Variants in PKD1L3 observed in about 807,000 individuals in gnomAD.
PKD1L3 encodes the protein polycystin-1-like protein 3.
A neutral mutation model predicts 184.1 loss-of-function variants in PKD1L3; 239 were observed. The ratio of observed to expected loss-of-function variants is 1.30; its 90% CI spans 1.17 to 1.45. The LOEUF is 1.45. Among genes scored for constraint, PKD1L3 ranks in the 40% most tolerant of loss-of-function variants. PKD1L3 has a pLI of 0.00. For missense variants in PKD1L3, 2,660 were observed against 2,067.2 expected, an observed-to-expected ratio of 1.29 and a Z score of -5.56; for synonymous variants, 996 against 778.8, an observed-to-expected ratio of 1.28 and a Z score of -4.64.
intron 28 of PKD1L3, chr16:71,931,327 C>G (rs12934512): frequency 0.2 from 30,156 of 152,102 alleles, 3,603 homozygotes; most frequent in Non-Finnish European, 0.27. Flanking sequence ...ACAGCAGTTA[C>G]AGTTGTCCCT....
At chr16:71,938,213 C>G (rs2038244821) in intron 24 of PKD1L3, among the ~76,000 whole-genome samples, 1 of 152,254 alleles carries the variant, frequency 6.6e-6, no homozygotes, top group Non-Finnish European at 1.5e-5. Context: ...CCAGCACCTG[C>G]TCTGATTTTG....
At chr16:71,998,190 A>G in intron 2 of PKD1L3, 82 bp downstream of exon 2, 1 of 1,505,060 alleles carries the variant, frequency 6.6e-7, no homozygotes, top group Non-Finnish European at 9.0e-7. Context: ...AGACTATTTA[A>G]CCAATATTCT....
chr16:71,987,706 C>T (rs530987349), intron 4 of PKD1L3, among the ~76,000 whole-genome samples: 20 of 151,924 alleles, frequency 1.3e-4, no homozygotes, highest in African/African-American at 4.1e-4. Flanking sequence ...GATTTCACTA[C>T]GTTGCCCAGG....
At chr16:71,929,974 C>T in intron 29 of PKD1L3, 78 bp downstream of exon 29, 1 of 1,411,848 alleles carries the variant, frequency 7.1e-7, no homozygotes, top group Non-Finnish European at 9.5e-7. Flanking sequence ...ATTATGTCAG[C>T]CCGTCATCTT....
intron 16 of PKD1L3, among the ~76,000 whole-genome samples, chr16:71,959,627 C>T (rs2039194007): frequency 6.6e-6 from 1 of 152,028 alleles, no homozygotes; most frequent in Admixed American, 6.6e-5. Flanking sequence ...TAAAGCATTG[C>T]TAATTCTTTG....
rs371698478 is a variant in PKD1L3, at chr16:71,999,893, T to C, written c.86A>G (p.His29Arg). The C allele has an allele frequency of 3.9e-5, 61 of 1,551,826 alleles. No individual in the cohort carries two copies. Among genetic ancestry groups the C allele is most frequent in the African/African-American group, 8.2e-5 (6 of 73,184 alleles). ...LGSELNSPAP[H>R]GQNNCYQLNR... ...AAGCTGGTAACAATTATTTTGCCCA[T>C]GTGGTGCTGGGCTGTTTAGCTCACT... The change falls in exon 1 of 30, where the codon CAT becomes CGT. Residue 29 changes from histidine to arginine, a missense_variant. Transcript: ENST00000620267.
At chr16:71,997,353 G>T (rs987951955) in intron 2 of PKD1L3, among the ~76,000 whole-genome samples, 1 of 151,420 alleles carries the variant, frequency 6.6e-6, no homozygotes, top group African/African-American at 2.4e-5. Context: ...TTGAGAGGCC[G>T]AGGTGGGAGG....
At chr16:71,944,191 G>T (rs966627888) in intron 22 of PKD1L3, 21 bp from the exon 23 acceptor site, 1 of 1,536,836 alleles carries the variant, frequency 6.5e-7, no homozygotes, top group South Asian at 1.2e-5. Flanking sequence ...TTCAAATATA[G>T]ACCAAAGAAA....
intron 16 of PKD1L3, among the ~76,000 whole-genome samples, chr16:71,957,286 A>G (rs1017276384): frequency 4.6e-5 from 7 of 152,308 alleles, no homozygotes; most frequent in Non-Finnish European, 1.5e-5. Flanking sequence ...GCAGTGATAA[A>G]GAAACAGAGG....
intron 4 of PKD1L3, among the ~76,000 whole-genome samples, chr16:71,987,954 G>A (rs1189878222): frequency 6.6e-6 from 1 of 152,156 alleles, no homozygotes; most frequent in Admixed American, 6.5e-5. Context: ...GGTGGCAGGA[G>A]GGGGATTCAA....
Position 71,954,228 on chromosome 16 carries a change from G to A in PKD1L3, c.2686C>T (p.Pro896Ser), listed in dbSNP as rs749306210. Residue 896 changes from proline to serine, a missense_variant, in exon 17 of 30, where the codon CCC (proline) becomes TCC (serine). Transcript: ENST00000620267. ...YLWLSIATRH[P>S]WNQFTRVQRL... ...TGGACCCTTGTAAACTGGTTCCAGG[G>A]ATGCCGAGTTGCAATTGAAAGCCAC... 1 of 1,551,180 alleles carries A rather than the reference G, an allele frequency of 6.4e-7. No individual in the cohort carries two copies. Among genetic ancestry groups the A allele is most frequent in the South Asian group, 1.2e-5 (1 of 83,940 alleles).
At chr16:71,973,258 C>G in intron 12 of PKD1L3, 66 bp downstream of exon 12, 2 of 1,475,030 alleles carry the variant, frequency 1.4e-6, no homozygotes, top group Middle Eastern at 2.2e-4. Context: ...AATGAGATAA[C>G]GGATGCATTG....
chr16:71,945,448 G>A (rs2038566544), intron 22 of PKD1L3, among the ~76,000 whole-genome samples: 1 of 148,622 alleles, frequency 6.7e-6, no homozygotes, highest in South Asian at 2.1e-4. Flanking sequence ...GGAGGCCAAG[G>A]AGGACTGATC....
intron 25 of PKD1L3, 38 bp downstream of exon 25, chr16:71,937,254 C>T: frequency 6.5e-7 from 1 of 1,538,488 alleles, no homozygotes; most frequent in Non-Finnish European, 8.8e-7. Context: ...GAGGTTTTGC[C>T]ATGTTGCCCA....
chr16:71,935,276 G>T, intron 26 of PKD1L3, 82 bp downstream of exon 26: 5 of 1,351,286 alleles, frequency 3.7e-6, no homozygotes, highest in Non-Finnish European at 5.0e-6. Flanking sequence ...TCTGGTAGGG[G>T]AGTTTGAAGA....
At chr16:71,975,463 C>G (rs1295202945) in intron 11 of PKD1L3, among the ~76,000 whole-genome samples, 1 of 152,046 alleles carries the variant, frequency 6.6e-6, no homozygotes, top group East Asian at 1.9e-4. Flanking sequence ...ATCATCAGGC[C>G]TTTCTTCCTC....
intron 26 of PKD1L3, among the ~76,000 whole-genome samples, 189 bp from the exon 27 acceptor site, chr16:71,934,314 T>C (rs2038098966): frequency 6.6e-6 from 1 of 152,190 alleles, no homozygotes; most frequent in African/African-American, 2.4e-5. Context: ...GGCCACATAC[T>C]ATTCAAGTGA....
chr16:71,971,982 C>T (rs550990839), intron 12 of PKD1L3, among the ~76,000 whole-genome samples: 13 of 152,108 alleles, frequency 8.5e-5, no homozygotes, highest in South Asian at 2.1e-4. Flanking sequence ...TTTGGGAGGC[C>T]GAGGCAGGCG....
chr16:71,963,280 A>C lies in PKD1L3; in HGVS notation c.2537T>G (p.Leu846Arg). ...RKWHFLCNCW[L>R]AVDLGDCELD... The stretch of plus-strand genomic sequence containing the variant: ...CTCACAGTCTCCGAGGTCCACAGCC[A>C]GCCAGCAATTGCACAGGAAATGCCA... Residue 846 changes from leucine (L) to arginine (R), a missense_variant, in exon 16 of 30, where the codon CTG (leucine) becomes CGG (arginine). By Grantham distance (102) the Leu-to-Arg change is moderately radical. Coordinates refer to ENST00000620267, the MANE Select transcript of PKD1L3 (RefSeq NM_181536.2). 6.4e-7 allele frequency: 1 copy of C among 1,551,644 alleles called. No homozygotes were observed. Among genetic ancestry groups the C allele is most frequent in the Non-Finnish European group, 8.7e-7 (1 of 1,146,946 alleles).
Sources: gnomAD v4.1 joint callset for allele counts (sites outside exome capture counted in the v4.1 genomes callset) on GRCh38, gnomAD v4.1.1 for gene constraint, MANE v1.5 for transcripts, NCBI Gene and HGNC (gene_info 2026-07-23, HGNC 2026-07-21) for gene names.